LNX1: variants seen among roughly 807,000 people sequenced by gnomAD.
The protein encoded by LNX1 is E3 ubiquitin-protein ligase LNX.
A neutral mutation model predicts 68.4 loss-of-function variants in LNX1; 54 were observed. That is an observed-to-expected ratio of 0.79 (90% CI 0.63 to 0.99). LNX1 has a LOEUF of 0.99. LNX1 is among the 50% of genes least tolerant of loss of function. LNX1 has a pLI of 0.00. For synonymous variants in LNX1, 336 were observed against 350.0 expected (o/e 0.96, Z 0.45); for missense variants, 906 against 926.4 (o/e 0.98, Z 0.29).
At chr4:53,627,762 G>A (rs1053311689) in intron 1 of LNX1, among the ~76,000 whole-genome samples, 1 of 152,194 alleles carries the variant, frequency 6.6e-6, no homozygotes, top group African/African-American at 2.4e-5. Context: ...ATCAGCACCT[G>A]CTAACCCTCT....
At chr4:53,585,447 G>C (rs1732105573) in intron 1 of LNX1, among the ~76,000 whole-genome samples, 1 of 152,114 alleles carries the variant, frequency 6.6e-6, no homozygotes, top group South Asian at 2.1e-4. Context: ...GGTAGAATGA[G>C]GGTCCCTGCA....
At chr4:53,510,290 C>G (rs909619607) in intron 2 of LNX1, among the ~76,000 whole-genome samples, 2 of 152,232 alleles carry the variant, frequency 1.3e-5, no homozygotes, top group Non-Finnish European at 2.9e-5. Flanking sequence ...GATTATTTAA[C>G]TGATGGCACA....
intron 2 of LNX1, among the ~76,000 whole-genome samples, chr4:53,516,907 G>T (rs4864779): frequency 2.6e-5 from 4 of 151,816 alleles, no homozygotes; most frequent in African/African-American, 9.7e-5. Flanking sequence ...CAGAGGGCTC[G>T]CAGTCAGCTC....
intron 4 of LNX1, among the ~76,000 whole-genome samples, chr4:53,499,116 T>C (rs1039060294): frequency 6.6e-6 from 1 of 152,148 alleles, no homozygotes; most frequent in Non-Finnish European, 1.5e-5. Context: ...CCTATAAAGC[T>C]TTCTAGCTAT....
intron 2 of LNX1, chr4:53,616,412 A>C (rs1318974273): frequency 1.3e-5 from 2 of 152,152 alleles, no homozygotes; most frequent in Admixed American, 6.5e-5. Context: ...GGAAGTCAGC[A>C]TATGTTGACC....
At chr4:53,481,689 AG>A in intron 7 of LNX1, 30 bp downstream of exon 7, 1 of 1,601,232 alleles carries the variant, frequency 6.2e-7, no homozygotes, top group Non-Finnish European at 8.5e-7. Context: ...AGCCCCTTGC[AG>A]GAGCAGGCGA....
At chr4:53,489,477 T>C (rs1724540950) in intron 6 of LNX1, among the ~76,000 whole-genome samples, 1 of 152,212 alleles carries the variant, frequency 6.6e-6, no homozygotes. Flanking sequence ...TGCTGGTGGC[T>C]GAGTCAGTAA....
At chr4:53,532,237 G>T (rs1051366201) in intron 2 of LNX1, among the ~76,000 whole-genome samples, 1 of 152,192 alleles carries the variant, frequency 6.6e-6, no homozygotes, top group Non-Finnish European at 1.5e-5. Context: ...GCACTTGGGG[G>T]TGCTGAGGCA....
intron 2 of LNX1, among the ~76,000 whole-genome samples, chr4:53,515,395 C>G (rs1368515631): frequency 2.6e-5 from 4 of 152,078 alleles, no homozygotes; most frequent in African/African-American, 9.7e-5. Context: ...TCACTCACAC[C>G]ACCCTGATAA....
chr4:53,508,230 G>GT lies in LNX1; in HGVS notation c.381-4dup. The GT allele has an allele frequency of 6.2e-7, 1 of 1,611,518 alleles. No individual in the cohort carries two copies. Among genetic ancestry groups the GT allele is most frequent in the Non-Finnish European group, 8.5e-7 (1 of 1,177,752 alleles). On this transcript the variant is annotated splice_region_variant and splice_polypyrimidine_tract_variant and intron_variant, in intron 2 of 10. Transcript: ENST00000263925. ...CGTAGTGGGAGGCACCTTTACAGCT[G>GT]TAACAGAACCAGCGGGGAGGTGAAG...
chr4:53,644,315 C>T (rs765524940), intron 1 of LNX1, among the ~76,000 whole-genome samples: 5 of 152,194 alleles, frequency 3.3e-5, no homozygotes, highest in South Asian at 2.1e-4. Context: ...GCACGAAAAT[C>T]GCTTGAACCC....
chr4:53,519,817 C>A (rs1727078262), intron 2 of LNX1, among the ~76,000 whole-genome samples: 1 of 152,214 alleles, frequency 6.6e-6, no homozygotes, highest in Admixed American at 6.5e-5. Flanking sequence ...GAACTTAATA[C>A]AAAGATTCAC....
chr4:53,521,973 C>T (rs1727257851), intron 2 of LNX1, among the ~76,000 whole-genome samples: 1 of 66,606 alleles, frequency 1.5e-5, no homozygotes, highest in Non-Finnish European at 4.1e-5. Flanking sequence ...CTAACTTTTT[C>T]ATTAATTTTT....
At chr4:53,647,021 A>G (rs1287638210) in intron 1 of LNX1, among the ~76,000 whole-genome samples, 1 of 152,244 alleles carries the variant, frequency 6.6e-6, no homozygotes, top group Non-Finnish European at 1.5e-5. Flanking sequence ...CATTCAGGAA[A>G]GAGGATGGAA....
At chr4:53,564,024 G>A (rs1234696667) in intron 2 of LNX1, among the ~76,000 whole-genome samples, 1 of 152,232 alleles carries the variant, frequency 6.6e-6, no homozygotes, top group Non-Finnish European at 1.5e-5. Flanking sequence ...TGATGTGGGG[G>A]CATCCTCTCC....
chr4:53,631,218 G>A (rs1734258040), intron 1 of LNX1, among the ~76,000 whole-genome samples: 2 of 152,148 alleles, frequency 1.3e-5, no homozygotes, highest in Non-Finnish European at 1.5e-5. Context: ...TGAAGGATCG[G>A]GAGTGGGGTG....
intron 2 of LNX1, among the ~76,000 whole-genome samples, chr4:53,515,734 T>G (rs765041569): frequency 1.4e-4 from 22 of 152,230 alleles, no homozygotes; most frequent in Admixed American, 5.9e-4. Flanking sequence ...CAATAAACAC[T>G]CATGGGAGGG....
At chr4:53,562,597 C>G (rs1326834481) in intron 2 of LNX1, among the ~76,000 whole-genome samples, 1 of 152,178 alleles carries the variant, frequency 6.6e-6, no homozygotes, top group African/African-American at 2.4e-5. Context: ...CAGGCACCAG[C>G]TGTTTAAAGA....
At chr4:53,650,030 T>C (rs1735033498) in intron 1 of LNX1, among the ~76,000 whole-genome samples, 1 of 152,148 alleles carries the variant, frequency 6.6e-6, no homozygotes, top group Non-Finnish European at 1.5e-5. Context: ...ATGTTTTTAC[T>C]ACCCTGAGCA....
Sources: gnomAD v4.1 joint callset for allele counts (sites outside exome capture counted in the v4.1 genomes callset) on GRCh38, gnomAD v4.1.1 for gene constraint, MANE v1.5 for transcripts, NCBI Gene and HGNC (gene_info 2026-07-23, HGNC 2026-07-21) for gene names.